The following ADAD1 variants were observed in gnomAD, a reference collection of about 807,000 sequenced individuals.
ADAD1 encodes adenosine deaminase domain-containing protein 1.
A neutral mutation model predicts 66.8 loss-of-function variants in ADAD1; 46 were observed. The observed-to-expected ratio is 0.69, with a 90% CI of 0.54 to 0.88. ADAD1 has a LOEUF of 0.88. ADAD1 is among the 40% of genes least tolerant of loss of function. ADAD1 has a pLI of 0.00. For missense variants in ADAD1, 617 were observed against 681.8 expected (o/e 0.91, Z 1.06); for synonymous variants, 248 against 229.4 (o/e 1.08, Z -0.73).
chr4:122,411,771 C>G (rs1223767902), intron 9 of ADAD1, among the ~76,000 whole-genome samples: 2 of 152,106 alleles, frequency 1.3e-5, no homozygotes, highest in Non-Finnish European at 2.9e-5. Flanking sequence ...ATCTGAAACA[C>G]TTCTAGTTCC....
rs1042894469 is a variant in ADAD1 at position 122,429,715 on chromosome 4, C to T, written c.1707C>T (p.Pro569=). 1.9e-6 allele frequency: 3 copies of T among 1,609,266 alleles called. No individual in the cohort carries two copies. The highest frequency in any genetic ancestry group is 1.7e-4 in the Middle Eastern group (1 of 6,036). Residue 569 remains proline (P), a synonymous_variant, in exon 13 of 13, where the codon CCC becomes CCT. Coordinates refer to ENST00000296513, the MANE Select transcript of ADAD1 (RefSeq NM_139243.4). ...HGYGSWIVKS[P]CIEQFNM ...ATGGATCCTGGATTGTGAAATCTCC[C>T]TGCATAGAGCAATTTAACATGTGAA... is the stretch of plus-strand genomic sequence containing the variant.
chr4:122,399,151 T>A (rs571449639), intron 7 of ADAD1, among the ~76,000 whole-genome samples: 2 of 152,284 alleles, frequency 1.3e-5, no homozygotes, highest in African/African-American at 4.8e-5. Flanking sequence ...TTGTATAAGG[T>A]GAGAGATGAG....
At chr4:122,417,253 C>T (rs1244855369) in intron 11 of ADAD1, among the ~76,000 whole-genome samples, 3 of 150,374 alleles carry the variant, frequency 2.0e-5, no homozygotes, top group African/African-American at 7.3e-5. Context: ...GGGAAAATCA[C>T]TGGAAACCAG....
At chr4:122,380,682 C>T (rs960539171) in intron 3 of ADAD1, among the ~76,000 whole-genome samples, 1 of 152,188 alleles carries the variant, frequency 6.6e-6, no homozygotes, top group African/African-American at 2.4e-5. Flanking sequence ...TATTCTAGGC[C>T]TTAGTGATAT....
chr4:122,419,673 C>T (rs1323738930), intron 11 of ADAD1, among the ~76,000 whole-genome samples: 1 of 152,148 alleles, frequency 6.6e-6, no homozygotes, highest in Non-Finnish European at 1.5e-5. Flanking sequence ...TATACAGTAA[C>T]ACCAACTGGC....
At chr4:122,411,642 T>A (rs1796472220) in intron 9 of ADAD1, among the ~76,000 whole-genome samples, 2 of 152,184 alleles carry the variant, frequency 1.3e-5, no homozygotes, top group Middle Eastern at 3.2e-3. Flanking sequence ...TTGGAAACTT[T>A]TTGAGCACTG....
intron 3 of ADAD1, 86 bp from the exon 4 acceptor site, chr4:122,380,906 T>C: frequency 8.0e-7 from 1 of 1,247,326 alleles, no homozygotes; most frequent in South Asian, 1.5e-5. Context: ...TGGGACAACC[T>C]TCCATTTCGG....
rs1172524684 is a variant in ADAD1 at position 122,429,687 on chromosome 4, G to A, written c.1679G>A (p.Gly560Asp). 6 of 1,613,448 alleles carry A rather than the reference G, an allele frequency of 3.7e-6. No homozygotes were observed. Among genetic ancestry groups the A allele is most frequent in the Non-Finnish European group, 5.1e-6 (6 of 1,179,634 alleles). ...CKLKSYLQQHGYGSWIVKSPC... is the reference protein window; with the variant it reads ...CKLKSYLQQHDYGSWIVKSPC... ...TTGAAATCCTACTTACAACAACATG[G>A]CTATGGATCCTGGATTGTGAAATCT... Residue 560 changes from glycine (G) to aspartate (D), a missense_variant, in exon 13 of 13, where the codon GGC (glycine) becomes GAC (aspartate). Physicochemically the swap from Gly to Asp is moderately conservative, Grantham distance 94. Coordinates refer to ENST00000296513, the MANE Select transcript of ADAD1 (RefSeq NM_139243.4).
At position 122,415,218 on chromosome 4, in the gene ADAD1, A is replaced by G. The variant is rs112563546; in HGVS notation, c.1250-161A>G. Among the ~76,000 whole-genome samples the G allele has an allele frequency of 3.8e-3, 572 of 152,282 alleles. 4 individuals are homozygous for G. The highest frequency in any genetic ancestry group is 0.013 in the African/African-American group (537 of 41,570). On this transcript the variant is annotated intron_variant, in intron 10 of 12. Transcript: ENST00000296513. Reference sequence around the variant, plus strand: ...TTATTACCTTGTTCTGGTTCTGATTAAGAATATGGAGTAGATGCTAAGAGA... The same window carrying G: ...TTATTACCTTGTTCTGGTTCTGATTGAGAATATGGAGTAGATGCTAAGAGA...
intron 12 of ADAD1, 52 bp from the exon 13 acceptor site, chr4:122,429,574 A>G (rs2150622389): frequency 1.7e-6 from 2 of 1,196,606 alleles, no homozygotes; most frequent in Non-Finnish European, 2.5e-6. Flanking sequence ...GCTACTTTTC[A>G]GCAATCAAAT....
chr4:122,412,430 C>T (rs1344915253), intron 9 of ADAD1, 150 bp from the exon 10 acceptor site: 2 of 643,360 alleles, frequency 3.1e-6, no homozygotes, highest in East Asian at 2.7e-5. Context: ...GCACTCCACT[C>T]CTACCTTGCT....
intron 5 of ADAD1, among the ~76,000 whole-genome samples, chr4:122,384,724 T>G (rs1299207312): frequency 6.6e-6 from 1 of 152,204 alleles, no homozygotes; most frequent in Non-Finnish European, 1.5e-5. Flanking sequence ...TTCAGAATGT[T>G]TATGTAGGGC....
chr4:122,408,742 G>T (rs1329326885), intron 8 of ADAD1, among the ~76,000 whole-genome samples: 1 of 152,056 alleles, frequency 6.6e-6, no homozygotes, highest in Non-Finnish European at 1.5e-5. Flanking sequence ...AATTAACCAG[G>T]TATGGTGGCA....
rs770989160 is a variant in ADAD1 at position 122,380,101 on chromosome 4, C to G, written c.32C>G (p.Ser11Trp). Residue 11 changes from serine (S) to tryptophan (W), a missense_variant, in exon 3 of 13, where the codon TCG (serine) becomes TGG (tryptophan). Coordinates refer to ENST00000296513, the MANE Select transcript of ADAD1 (RefSeq NM_139243.4). ...AGCAACAATCATTGGTTTCAGAGTT[C>G]GCAGGTCCCCAGCTTTGCCCAGATG... MASNNHWFQS[S>W]QVPSFAQMLK... 6.2e-6 allele frequency: 10 copies of G among 1,613,612 alleles called. No homozygotes were observed. The highest frequency in any genetic ancestry group is 3.3e-5 in the South Asian group (3 of 90,960).
At chr4:122,412,186 T>C (rs544186850) in intron 9 of ADAD1, among the ~76,000 whole-genome samples, 2 of 152,286 alleles carry the variant, frequency 1.3e-5, no homozygotes, top group East Asian at 3.9e-4. Flanking sequence ...TAATTTTGCA[T>C]TTTTATTGAA....
intron 5 of ADAD1, among the ~76,000 whole-genome samples, chr4:122,390,886 A>G (rs186711291): frequency 1.3e-5 from 2 of 152,302 alleles, no homozygotes; most frequent in African/African-American, 4.8e-5. Context: ...TCCTCCATTC[A>G]GTTATGTGCC....
Position 122,385,725 on chromosome 4 carries a change from G to A in ADAD1, c.529+1759G>A, listed in dbSNP as rs374308357. Among the ~76,000 whole-genome samples the A allele has an allele frequency of 2.6e-5, 4 of 152,246 alleles. No homozygotes were observed. The East Asian group carries it at 5.8e-4, about 22-fold the overall frequency. ...CACCCCCTAAAAGGCCCTGGTGTGT[G>A]TTGTTCCCCTCTCTGTGTCCATGTG... is the stretch of plus-strand genomic sequence containing the variant. On this transcript the variant is annotated intron_variant, in intron 5 of 12. Transcript: ENST00000296513.
rs1403335342 is a variant in ADAD1 at position 122,379,023 on chromosome 4, G to T, written c.-175G>T. ...AGGTAGTTTTTCTGTAAACAGGAAG[G>T]CCACAGTGGAGGCCAAGCCTTCCCC... On this transcript the variant is annotated 5_prime_UTR_variant, in exon 1 of 13. Coordinates refer to ENST00000296513, the MANE Select transcript of ADAD1 (RefSeq NM_139243.4). 1 of 152,298 alleles carries T rather than the reference G, an allele frequency of 6.6e-6. No homozygotes were observed. Among genetic ancestry groups the T allele is most frequent in the Non-Finnish European group, 1.5e-5 (1 of 68,054 alleles). The allele number at this position is 152,298 out of a possible 1,614,324, so 9.4% of individuals were successfully genotyped here.
chr4:122,409,357 A>C (rs1796366389), intron 8 of ADAD1, among the ~76,000 whole-genome samples: 1 of 152,038 alleles, frequency 6.6e-6, no homozygotes, highest in Admixed American at 6.6e-5. Context: ...TTCCTACTAA[A>C]TTAGGAATTC....
Sources: gnomAD v4.1 joint callset for allele counts (sites outside exome capture counted in the v4.1 genomes callset) on GRCh38, gnomAD v4.1.1 for gene constraint, MANE v1.5 for transcripts, NCBI Gene and HGNC (gene_info 2026-07-23, HGNC 2026-07-21) for gene names.